VMP1: variants seen among roughly 807,000 people sequenced by gnomAD.
VMP1 encodes the protein ectopic P-granules autophagy protein 3 homolog.
A neutral mutation model predicts 56.0 loss-of-function variants in VMP1; 11 were observed. The ratio of observed to expected loss-of-function variants is 0.20; its 90% CI spans 0.12 to 0.32. The LOEUF is 0.32. Ranked by LOEUF, VMP1 falls within the 10% of genes least tolerant of loss-of-function variation. VMP1 has a pLI of 1.00. For synonymous variants in VMP1, 149 were observed against 165.0 expected (o/e 0.90, Z 0.74); for missense variants, 296 against 490.3 (o/e 0.60, Z 3.74).
intron 7 of VMP1, among the ~76,000 whole-genome samples, chr17:59,791,589 G>C (rs1331079416): frequency 2.0e-5 from 3 of 147,430 alleles, no homozygotes; most frequent in Non-Finnish European, 4.4e-5. Flanking sequence ...TCCTGCCTCA[G>C]CCTCCCTAGT....
In VMP1 at chr17:59,784,100, A is replaced by AGTGTGT. The variant is rs536985526; in HGVS notation, c.714+10253_714+10258dup. Among the ~76,000 whole-genome samples, 243 of 139,174 alleles carry AGTGTGT rather than the reference A, an allele frequency of 1.7e-3. 3 individuals carry two copies. The highest frequency in any genetic ancestry group is 9.5e-3 in the South Asian group (39 of 4,122). The allele number at this position is 139,174 out of a possible 152,430, so 91.3% of individuals were successfully genotyped here. A position where few individuals can be genotyped will look rare whatever the true frequency, so the allele number is the denominator to read the frequency against. On this transcript the variant is annotated intron_variant, in intron 7 of 11. Transcript: ENST00000262291. ...AACTGCCAGAATACCCATCAAAAAGAGTGTGTGTGTGTGTGTGTGTGTGTG... is the reference window on the plus strand; with the variant it reads ...AACTGCCAGAATACCCATCAAAAAGAGTGTGTGTGTGTGTGTGTGTGTGTGTGTGTG...
chr17:59,746,871 T>C (rs997570662), intron 5 of VMP1, among the ~76,000 whole-genome samples: 43 of 152,246 alleles, frequency 2.8e-4, no homozygotes, highest in Non-Finnish European at 8.8e-5. Flanking sequence ...GGCCTGTTAA[T>C]TTCTGAAAGC....
Position 59,839,932 on chromosome 17 carries a change from C to T in VMP1, c.*21C>T, listed in dbSNP as rs1453402102. Reference sequence around the variant, plus strand: ...AATAAGTAGAGAAAGTTTTAAACTGCAGAAATTGGAGTGGATGGGTTCTGC... The same window carrying T: ...AATAAGTAGAGAAAGTTTTAAACTGTAGAAATTGGAGTGGATGGGTTCTGC... On this transcript the variant is annotated 3_prime_UTR_variant, in exon 12 of 12. Coordinates refer to ENST00000262291, the MANE Select transcript of VMP1 (RefSeq NM_030938.5). The T allele has an allele frequency of 1.2e-6, 2 of 1,607,288 alleles. No homozygotes were observed. Among genetic ancestry groups the T allele is most frequent in the Middle Eastern group, 1.7e-4 (1 of 6,034 alleles).
At chr17:59,795,044 C>T (rs1183518883) in intron 7 of VMP1, among the ~76,000 whole-genome samples, 3 of 135,904 alleles carry the variant, frequency 2.2e-5, no homozygotes, top group Non-Finnish European at 4.6e-5. Context: ...GTCGCTCAAG[C>T]TGGAATGTAA....
chr17:59,827,665 A>G (rs2038685051), intron 10 of VMP1, among the ~76,000 whole-genome samples: 1 of 152,116 alleles, frequency 6.6e-6, no homozygotes, highest in Non-Finnish European at 1.5e-5. Context: ...CTGTCACTAT[A>G]AAAAGCTGCC....
At chr17:59,803,352 T>TA (rs2144185188) in intron 7 of VMP1, among the ~76,000 whole-genome samples, 1 of 152,128 alleles carries the variant, frequency 6.6e-6, no homozygotes, top group African/African-American at 2.4e-5. Flanking sequence ...GACTTTTTTT[T>TA]ATTAGTCTTG....
At chr17:59,716,815 G>A (rs1311457458) in intron 1 of VMP1, among the ~76,000 whole-genome samples, 1 of 151,872 alleles carries the variant, frequency 6.6e-6, no homozygotes, top group East Asian at 1.9e-4. Context: ...GGAAATTATT[G>A]CACTCATTTA....
At chr17:59,807,110 C>T (rs1317996949) in intron 7 of VMP1, among the ~76,000 whole-genome samples, 1 of 151,688 alleles carries the variant, frequency 6.6e-6, no homozygotes, top group Non-Finnish European at 1.5e-5. Context: ...AATTAGAGAA[C>T]TATATTTTTC....
chr17:59,755,765 G>C (rs2035819034), intron 5 of VMP1, among the ~76,000 whole-genome samples: 1 of 147,388 alleles, frequency 6.8e-6, no homozygotes, highest in South Asian at 2.1e-4. Context: ...TTGAGACAGG[G>C]TCTTGCTCTG....
At chr17:59,757,842 C>T (rs1421748766) in intron 5 of VMP1, among the ~76,000 whole-genome samples, 1 of 143,710 alleles carries the variant, frequency 7.0e-6, no homozygotes, top group Non-Finnish European at 1.5e-5. Context: ...AAAAATAAAA[C>T]AGACCTTTAT....
chr17:59,752,003 G>T (rs903455662), intron 5 of VMP1, among the ~76,000 whole-genome samples: 8 of 151,874 alleles, frequency 5.3e-5, no homozygotes, highest in Non-Finnish European at 1.2e-4. Flanking sequence ...GGTAGAAACG[G>T]GGTCTCTCCA....
At chr17:59,712,239 T>C (rs1598273912) in intron 1 of VMP1, among the ~76,000 whole-genome samples, 1 of 152,224 alleles carries the variant, frequency 6.6e-6, no homozygotes, top group East Asian at 1.9e-4. Context: ...GCTGCTTACT[T>C]AATTATTGTT....
At chr17:59,778,426 C>G (rs1484422750) in intron 7 of VMP1, among the ~76,000 whole-genome samples, 1 of 151,864 alleles carries the variant, frequency 6.6e-6, no homozygotes, top group Non-Finnish European at 1.5e-5. Flanking sequence ...GCCTGTAGTC[C>G]CAGCTACTTG....
At chr17:59,825,127 C>T (rs1446805876) in intron 10 of VMP1, among the ~76,000 whole-genome samples, 8 of 129,386 alleles carry the variant, frequency 6.2e-5, no homozygotes, top group Admixed American at 4.5e-4. Flanking sequence ...TGTTCTATTG[C>T]CCAGGCTGGA....
chr17:59,798,160 T>A (rs913020935), intron 7 of VMP1, among the ~76,000 whole-genome samples: 2 of 152,206 alleles, frequency 1.3e-5, no homozygotes, highest in African/African-American at 4.8e-5. Flanking sequence ...CATACTGTTT[T>A]CTCCTGCAAC....
intron 7 of VMP1, among the ~76,000 whole-genome samples, chr17:59,780,896 C>A (rs574685587): frequency 1.3e-5 from 2 of 152,060 alleles, no homozygotes; most frequent in South Asian, 4.1e-4. Context: ...CCTGATTTTT[C>A]TTTTCTTCAT....
intron 6 of VMP1, among the ~76,000 whole-genome samples, chr17:59,771,045 G>A (rs1033868930): frequency 2.7e-5 from 4 of 149,900 alleles, no homozygotes; most frequent in African/African-American, 4.9e-5. Flanking sequence ...TTTCTATCAC[G>A]AGATACAATG....
Position 59,749,062 on chromosome 17 carries a change from G to C in VMP1, c.414+10115G>C, listed in dbSNP as rs146603541. 3.3e-4 allele frequency among the ~76,000 whole-genome samples: 49 copies of C among 150,446 alleles called. 1 individual carries two copies. In the East Asian group the frequency reaches 9.6e-3, roughly 29 times the overall value. ...CTTCCTGGGTTCCAGTGTTTCTCCT[G>C]CCTCAGCCTCCCCAGTAGCTGGAAT... On this transcript the variant is annotated intron_variant, in intron 5 of 11. Coordinates refer to ENST00000262291, the MANE Select transcript of VMP1 (RefSeq NM_030938.5).
intron 7 of VMP1, among the ~76,000 whole-genome samples, chr17:59,784,142 T>TGTGTGTGA (rs556387089): frequency 0.017 from 2,250 of 130,336 alleles, 27 homozygotes; most frequent in East Asian, 0.051. Context: ...TGTGTGTGTG[T>TGTGTGTGA]GAGAGAGAGA....
Sources: gnomAD v4.1 joint callset for allele counts (sites outside exome capture counted in the v4.1 genomes callset) on GRCh38, gnomAD v4.1.1 for gene constraint, MANE v1.5 for transcripts, NCBI Gene and HGNC (gene_info 2026-07-23, HGNC 2026-07-21) for gene names.